ZFPM2: variants seen among roughly 807,000 people sequenced by gnomAD.
ZFPM2 encodes zinc finger protein ZFPM2.
A neutral mutation model predicts 98.6 loss-of-function variants in ZFPM2; 20 were observed. That is an observed-to-expected ratio of 0.20 (90% CI 0.14 to 0.29). The LOEUF is 0.29. Ranked by LOEUF, ZFPM2 falls within the 10% of genes least tolerant of loss-of-function variation. ZFPM2 has a pLI of 1.00. For missense variants in ZFPM2, 1,310 were observed against 1,388.6 expected (o/e 0.94, Z 0.90); for synonymous variants, 518 against 502.7 (o/e 1.03, Z -0.41).
intron 2 of ZFPM2, among the ~76,000 whole-genome samples, chr8:105,424,674 T>C (rs1262294612): frequency 6.6e-6 from 1 of 152,190 alleles, no homozygotes. Context: ...TAATACCAAT[T>C]GAAAGCAAAC....
intron 1 of ZFPM2, among the ~76,000 whole-genome samples, chr8:105,382,140 G>C (rs1256514625): frequency 6.6e-6 from 1 of 152,118 alleles, no homozygotes; most frequent in South Asian, 2.1e-4. Flanking sequence ...ATGAATACAG[G>C]CTTAATGAGT....
chr8:105,657,792 T>G (rs549480842), intron 5 of ZFPM2, among the ~76,000 whole-genome samples: 71 of 152,292 alleles, frequency 4.7e-4, no homozygotes, highest in Middle Eastern at 3.4e-3. Flanking sequence ...GGATCTAGGT[T>G]TGTCCAAGAC....
At chr8:105,576,405 C>A (rs2130732058) in intron 4 of ZFPM2, among the ~76,000 whole-genome samples, 1 of 152,176 alleles carries the variant, frequency 6.6e-6, no homozygotes, top group African/African-American at 2.4e-5. Context: ...CATGGATAGT[C>A]CAGTGCTTAT....
intron 4 of ZFPM2, among the ~76,000 whole-genome samples, chr8:105,585,570 A>G (rs1815693603): frequency 6.6e-6 from 1 of 152,232 alleles, no homozygotes; most frequent in Non-Finnish European, 1.5e-5. Context: ...ACAATGTAAG[A>G]TGTTGCCGTG....
chr8:105,345,289 T>C (rs1442353397), intron 1 of ZFPM2, among the ~76,000 whole-genome samples: 1 of 152,128 alleles, frequency 6.6e-6, no homozygotes, highest in Non-Finnish European at 1.5e-5. Context: ...CTGGAGCTTT[T>C]TCAGCATCTT....
intron 5 of ZFPM2, chr8:105,690,903 G>C (rs923971934): frequency 1.3e-5 from 2 of 152,082 alleles, no homozygotes; most frequent in African/African-American, 2.4e-5. Flanking sequence ...ACTATCTAGA[G>C]AGTTAAGCTC....
At chr8:105,578,591 T>C (rs1397148815) in intron 4 of ZFPM2, among the ~76,000 whole-genome samples, 1 of 152,112 alleles carries the variant, frequency 6.6e-6, no homozygotes, top group Non-Finnish European at 1.5e-5. Context: ...TGTAAAATGA[T>C]AGAATTTTTA....
In ZFPM2 at chr8:105,746,167, T is replaced by C. The variant is rs61601482; in HGVS notation, c.533-42551T>C. On this transcript the variant is annotated intron_variant, in intron 5 of 7. Coordinates refer to ENST00000407775, the MANE Select transcript of ZFPM2 (RefSeq NM_012082.4). Reference sequence around the variant, plus strand: ...TTGGAGTGTCTGGGTAAATAGGTGGTCTGTGGCTTATTCGAGGAAAGTCTT... The same window carrying C: ...TTGGAGTGTCTGGGTAAATAGGTGGCCTGTGGCTTATTCGAGGAAAGTCTT... Among the ~76,000 whole-genome samples, 1,311 of 151,914 alleles carry C rather than the reference T, an allele frequency of 8.6e-3. 21 individuals are homozygous for C. Among genetic ancestry groups the C allele is most frequent in the African/African-American group, 0.029 (1,216 of 41,446 alleles).
At chr8:105,525,792 T>C (rs1179922131) in intron 3 of ZFPM2, among the ~76,000 whole-genome samples, 1 of 152,188 alleles carries the variant, frequency 6.6e-6, no homozygotes, top group African/African-American at 2.4e-5. Flanking sequence ...TGTCCCCAGA[T>C]AAAGAACTTT....
chr8:105,414,184 A>G (rs1811633212), intron 1 of ZFPM2, among the ~76,000 whole-genome samples: 1 of 152,038 alleles, frequency 6.6e-6, no homozygotes, highest in Non-Finnish European at 1.5e-5. Flanking sequence ...GGCATGCAAT[A>G]TCAAGCTAAA....
chr8:105,589,382 A>G (rs1416515541), intron 4 of ZFPM2, among the ~76,000 whole-genome samples: 3 of 152,216 alleles, frequency 2.0e-5, no homozygotes, highest in East Asian at 1.9e-4. Context: ...TACCAGCCAT[A>G]TGGCTATACT....
intron 5 of ZFPM2, among the ~76,000 whole-genome samples, chr8:105,733,297 T>C (rs1675318383): frequency 6.6e-6 from 1 of 151,920 alleles, no homozygotes; most frequent in Non-Finnish European, 1.5e-5. Context: ...GCACATTGGC[T>C]AATTGTGCAG....
intron 5 of ZFPM2, among the ~76,000 whole-genome samples, chr8:105,766,968 T>C (rs1812867101): frequency 6.6e-6 from 1 of 151,956 alleles, no homozygotes; most frequent in Non-Finnish European, 1.5e-5. Flanking sequence ...TATGAAATGA[T>C]TGATGGTGAA....
chr8:105,418,529 A>G (rs1811727572), intron 1 of ZFPM2: 2 of 513,430 alleles, frequency 3.9e-6, no homozygotes, highest in South Asian at 2.8e-5. Context: ...ACATTTTTTC[A>G]TTAGAAAACC....
At chr8:105,419,452 C>T (rs934680276) in intron 2 of ZFPM2, 150 bp downstream of exon 2, 17 of 900,360 alleles carry the variant, frequency 1.9e-5, no homozygotes, top group Admixed American at 1.7e-4. Context: ...AATTTTATTT[C>T]GAGGGACATG....
chr8:105,615,092 A>G (rs1212840752), intron 4 of ZFPM2, among the ~76,000 whole-genome samples: 1 of 152,084 alleles, frequency 6.6e-6, no homozygotes, highest in Non-Finnish European at 1.5e-5. Flanking sequence ...AATATTTGCA[A>G]AGTGTTCACT....
intron 3 of ZFPM2, among the ~76,000 whole-genome samples, chr8:105,505,989 T>C (rs1401428481): frequency 6.6e-6 from 1 of 152,144 alleles, no homozygotes; most frequent in Non-Finnish European, 1.5e-5. Flanking sequence ...TGTTTCCAAA[T>C]CATACACAAT....
At chr8:105,656,053 A>G (rs933803772) in intron 5 of ZFPM2, among the ~76,000 whole-genome samples, 3 of 152,186 alleles carry the variant, frequency 2.0e-5, no homozygotes, top group African/African-American at 7.2e-5. Context: ...AGTGACCAAA[A>G]CAAACAATAA....
intron 3 of ZFPM2, among the ~76,000 whole-genome samples, chr8:105,460,231 G>T (rs1812678532): frequency 6.6e-6 from 1 of 152,180 alleles, no homozygotes; most frequent in Non-Finnish European, 1.5e-5. Context: ...AGCAAGCAAA[G>T]CTGGGACTCC....
Sources: allele counts gnomAD v4.1 joint callset (sites outside exome capture counted in the v4.1 genomes callset), GRCh38; gene constraint gnomAD v4.1.1; transcripts MANE v1.5; gene names NCBI Gene and HGNC (gene_info 2026-07-23, HGNC 2026-07-21).